Variants in CCDC191 observed in about 807,000 individuals in gnomAD.
The protein encoded by CCDC191 is coiled-coil domain containing 191, also known as coiled-coil domain-containing protein 191.
Under a neutral mutation model 114.0 loss-of-function variants are expected in CCDC191, and 99 were observed. The ratio of observed to expected loss-of-function variants is 0.87; its 90% CI spans 0.74 to 1.03. The LOEUF (loss-of-function observed/expected upper bound fraction) is 1.03. CCDC191 is among the 50% of genes least tolerant of loss of function. The pLI, the probability that CCDC191 is intolerant of heterozygous loss-of-function variation, is 0.00. For missense variants in CCDC191, 973 were observed against 1,087.0 expected (o/e 0.90, Z 1.47); for synonymous variants, 351 against 376.0 (o/e 0.93, Z 0.77).
intron 13 of CCDC191, among the ~76,000 whole-genome samples, chr3:113,998,798 C>G (rs2075790491): frequency 6.6e-6 from 1 of 152,202 alleles, no homozygotes; most frequent in East Asian, 1.9e-4. Context: ...TCCCTGCATG[C>G]AGTGATTCTA....
At position 114,010,887 on chromosome 3, in the gene CCDC191, A is replaced by G. The variant is rs377341775; in HGVS notation, c.1298T>C (p.Met433Thr). 6.2e-7 allele frequency: 1 copy of G among 1,614,094 alleles called. No homozygotes were observed. Among genetic ancestry groups the G allele is most frequent in the African/African-American group, 1.3e-5 (1 of 75,052 alleles). ...TGATGCTGCCTGCAGCAGTGCATCC[A>G]TCTTCTTCCTAGTTTCCTCTTTTGT... ...ALTKEETRKK[M>T]DALLQAASLG... The change falls in exon 9 of 17, where the codon ATG becomes ACG. Residue 433 changes from methionine (M) to threonine (T), a missense_variant. Coordinates refer to ENST00000295878, the MANE Select transcript of CCDC191 (RefSeq NM_020817.2).
intron 8 of CCDC191, among the ~76,000 whole-genome samples, chr3:114,013,795 T>G (rs1024910904): frequency 2.6e-5 from 4 of 152,182 alleles, no homozygotes; most frequent in Non-Finnish European, 2.9e-5. Flanking sequence ...TCAATGATAC[T>G]GGGTGACTGG....
intron 13 of CCDC191, among the ~76,000 whole-genome samples, chr3:113,990,335 T>A (rs1020926274): frequency 3.9e-5 from 6 of 152,072 alleles, no homozygotes; most frequent in Non-Finnish European, 7.4e-5. Context: ...CTTGAAAACT[T>A]AGATTAAATG....
At chr3:113,978,553 G>C (rs562655493) in intron 15 of CCDC191, 7 of 596,198 alleles carry the variant, frequency 1.2e-5, no homozygotes, top group African/African-American at 1.9e-5. Flanking sequence ...GATTGAAGGG[G>C]TAAGTTTCTA....
In CCDC191 at chr3:114,005,910, C is replaced by T. The variant is rs1161668569; in HGVS notation, c.1466G>A (p.Cys489Tyr). 1.2e-6 allele frequency: 2 copies of T among 1,613,964 alleles called. No homozygotes were observed. The highest frequency in any genetic ancestry group is 3.3e-5 in the Admixed American group (2 of 59,994). ...WEKPPLGSSG[C>Y]MLSPPLGRTT... ...TCTTCCCAGGGGAGGACTGAGCATA[C>T]AACCACTGCTTCCCAAGGGAGGCTT... The change falls in exon 10 of 17, where the codon TGT becomes TAT. Residue 489 changes from cysteine to tyrosine, a missense_variant. Coordinates refer to ENST00000295878, the MANE Select transcript of CCDC191 (RefSeq NM_020817.2).
Position 114,038,672 on chromosome 3 carries a change from T to G in CCDC191, c.416-1886A>C, listed in dbSNP as rs866619432. ...TAGCTGGGCCAAATGGTATTTCTGC[T>G]TCTAGATCGTTGAGGAATACTATGC... On this transcript the variant is annotated intron_variant, in intron 4 of 16. Transcript: ENST00000295878. 2.0e-5 allele frequency among the ~76,000 whole-genome samples: 3 copies of G among 152,284 alleles called. No individual in the cohort carries two copies. In the Middle Eastern group the frequency reaches 0.01, roughly 518 times the overall value.
intron 9 of CCDC191, among the ~76,000 whole-genome samples, chr3:114,007,210 T>C (rs1353036654): frequency 6.6e-6 from 1 of 152,176 alleles, no homozygotes; most frequent in Non-Finnish European, 1.5e-5. Flanking sequence ...AAGTGTCTCT[T>C]CTAGAATGGT....
At chr3:114,020,177 G>T (rs1424457315) in intron 7 of CCDC191, among the ~76,000 whole-genome samples, 5 of 152,102 alleles carry the variant, frequency 3.3e-5, no homozygotes, top group Non-Finnish European at 7.4e-5. Context: ...TTCAGCATTT[G>T]CTAAGCAACC....
In CCDC191 at chr3:114,056,421, C is replaced by T. The variant is rs1251560851; in HGVS notation, c.46G>A (p.Gly16Arg). ...GTGAACCGTTTCCAGCGATTCAGCC[C>T]CATCCTTTTCTTTGAGAAGGACCTT... Reference protein sequence around the residue: ...QGRSFSKKRMGLNRWKRFTRK... With the variant: ...QGRSFSKKRMRLNRWKRFTRK... The change falls in exon 1 of 17, where the codon GGG becomes AGG. Residue 16 changes from glycine (G) to arginine (R), a missense_variant. Coordinates refer to ENST00000295878, the MANE Select transcript of CCDC191 (RefSeq NM_020817.2). The T allele has an allele frequency of 1.9e-6, 3 of 1,614,174 alleles. No homozygotes were observed. The highest frequency in any genetic ancestry group is 1.7e-6 in the Non-Finnish European group (2 of 1,180,032).
At chr3:114,031,832 A>G in intron 6 of CCDC191, 53 bp from the exon 7 acceptor site, 1 of 808,482 alleles carries the variant, frequency 1.2e-6, no homozygotes, top group Non-Finnish European at 2.0e-6. Context: ...TTTAAAAATG[A>G]GCAATTACAA....
At chr3:113,988,646 A>C (rs1217138210) in intron 13 of CCDC191, among the ~76,000 whole-genome samples, 3 of 151,790 alleles carry the variant, frequency 2.0e-5, no homozygotes, top group South Asian at 4.2e-4. Flanking sequence ...AAAAAAAAAA[A>C]AAAGATTTTA....
In CCDC191 at chr3:113,966,761, A is replaced by G. The variant is rs1029774262; in HGVS notation, c.2607-1402T>C. Among the ~76,000 whole-genome samples, 5 of 152,060 alleles carry G rather than the reference A, an allele frequency of 3.3e-5. No homozygotes were observed. In the South Asian group the frequency reaches 1.0e-3, roughly 32 times the overall value. ...TCATTAATTTTATGGCTGTTGGTTA[A>G]TATTTTTGATAATGCTGATTTTTGT... On this transcript the variant is annotated intron_variant, in intron 16 of 16. Coordinates refer to ENST00000295878, the MANE Select transcript of CCDC191 (RefSeq NM_020817.2).
intron 13 of CCDC191, among the ~76,000 whole-genome samples, chr3:113,990,397 A>G (rs528846025): frequency 1.3e-5 from 2 of 152,198 alleles, no homozygotes; most frequent in Admixed American, 1.3e-4. Flanking sequence ...AGAAGAAAAA[A>G]AGAACTGAAT....
At chr3:114,043,777 T>C (rs1040877886) in intron 3 of CCDC191, among the ~76,000 whole-genome samples, 15 of 152,162 alleles carry the variant, frequency 9.9e-5, no homozygotes, top group African/African-American at 2.7e-4. Flanking sequence ...AGAGAGGTGA[T>C]GGTGGCCTGG....
intron 16 of CCDC191, among the ~76,000 whole-genome samples, chr3:113,966,599 C>T (rs1391857981): frequency 3.3e-5 from 5 of 152,074 alleles, no homozygotes; most frequent in South Asian, 2.1e-4. Context: ...AATAGCATGC[C>T]GTGGTGTGTG....
At chr3:114,005,058 C>T (rs1387845753) in intron 10 of CCDC191, among the ~76,000 whole-genome samples, 4 of 152,168 alleles carry the variant, frequency 2.6e-5, no homozygotes, top group Non-Finnish European at 5.9e-5. Flanking sequence ...AACCATCTTA[C>T]GTGGCTTTTG....
chr3:113,972,499 T>C (rs1940927341), intron 16 of CCDC191, among the ~76,000 whole-genome samples: 1 of 152,132 alleles, frequency 6.6e-6, no homozygotes, highest in Non-Finnish European at 1.5e-5. Flanking sequence ...TAAGATATGG[T>C]CTTATTATGG....
chr3:114,024,764 T>G (rs2076295804), intron 7 of CCDC191, among the ~76,000 whole-genome samples: 1 of 152,170 alleles, frequency 6.6e-6, no homozygotes, highest in South Asian at 2.1e-4. Flanking sequence ...GACAAGTTAA[T>G]GGGTGCGGCA....
chr3:114,031,717 G>A lies in CCDC191; in HGVS notation c.881C>T (p.Thr294Ile), dbSNP rs1221727605. Residue 294 changes from threonine to isoleucine, a missense_variant, in exon 7 of 17, where the codon ACT (threonine) becomes ATT (isoleucine). Physicochemically the swap from Thr to Ile is moderately conservative, Grantham distance 89. Transcript: ENST00000295878. ...NSSEKVMFQSTHILPDEEKMV... is the reference protein window; with the variant it reads ...NSSEKVMFQSIHILPDEEKMV... ...TTTTTCCTCATCTGGAAGAATGTGA[G>A]TACTTTGAAACATGACTTTTTCTGA... 3 of 1,561,154 alleles carry A rather than the reference G, an allele frequency of 1.9e-6. No individual in the cohort carries two copies. The highest frequency in any genetic ancestry group is 2.2e-5 in the East Asian group (1 of 44,580).
Sources: gnomAD v4.1 joint callset for allele counts (sites outside exome capture counted in the v4.1 genomes callset) on GRCh38, gnomAD v4.1.1 for gene constraint, MANE v1.5 for transcripts, NCBI Gene and HGNC (gene_info 2026-07-23, HGNC 2026-07-21) for gene names.